LHX4: variants seen among roughly 807,000 people sequenced by gnomAD.
LHX4 encodes the protein LIM homeobox 4, also known as LIM/homeobox protein Lhx4.
LHX4 carries 16 observed loss-of-function variants against 39.2 expected under a neutral mutation model. The observed-to-expected ratio is 0.41, with a 90% CI of 0.28 to 0.62. The LOEUF (loss-of-function observed/expected upper bound fraction) is 0.62. Among genes scored for constraint, LHX4 ranks in the 20% least tolerant of loss-of-function variants. LHX4 has a pLI of 0.33. For synonymous variants in LHX4, 206 were observed against 198.1 expected (o/e 1.04, Z -0.33); for missense variants, 439 against 511.9 (o/e 0.86, Z 1.37).
At chr1:180,268,266 C>T (rs185081641) in intron 3 of LHX4, among the ~76,000 whole-genome samples, 19 of 152,294 alleles carry the variant, frequency 1.2e-4, no homozygotes, top group Middle Eastern at 6.8e-3. Context: ...ACGACCTCCC[C>T]GGCCTGCAGC....
upstream of LHX4, among the ~76,000 whole-genome samples, chr1:180,229,938 G>GGGCGGAGGCGGAGGCGGGGGCGGA (rs1664126268): frequency 2.0e-5 from 2 of 101,956 alleles, no homozygotes; most frequent in Middle Eastern, 4.8e-3. Flanking sequence ...CGCCACGGCT[G>GGGCGGAGGCGGAGGCGGGGGCGGA]GGCGGAGGCG....
intron 2 of LHX4, 78 bp downstream of exon 2, chr1:180,248,534 G>A: frequency 6.6e-7 from 1 of 1,507,618 alleles, no homozygotes; most frequent in East Asian, 2.3e-5. Flanking sequence ...GTTTGCAGCA[G>A]GGTAGGCCAG....
intron 2 of LHX4, among the ~76,000 whole-genome samples, chr1:180,254,895 G>A (rs761439324): frequency 1.3e-5 from 2 of 152,232 alleles, no homozygotes; most frequent in Non-Finnish European, 2.9e-5. Flanking sequence ...CACATAGGGA[G>A]GAGGAAAGAA....
At chr1:180,273,014 C>T (rs893882801) in intron 5 of LHX4, 3 of 151,036 alleles carry the variant, frequency 2.0e-5, no homozygotes, top group Non-Finnish European at 4.4e-5. Context: ...TGGAGTGGAG[C>T]CTTCATCTTC....
Position 180,248,322 on chromosome 1 carries a change from G to A in LHX4, c.114G>A (p.Leu38=), listed in dbSNP as rs1181703453. The stretch of plus-strand genomic sequence containing the variant: ...GCGCTGGCTGCAACCAGCACATCCT[G>A]GACAAGTTCATCCTGAAGGTCCTGG... ...PQCAGCNQHI[L]DKFILKVLDR... Residue 38 remains leucine (L), a synonymous_variant, in exon 2 of 6, where the codon CTG becomes CTA. Coordinates refer to ENST00000263726, the MANE Select transcript of LHX4 (RefSeq NM_033343.4). The A allele has an allele frequency of 3.1e-6, 5 of 1,614,194 alleles. No individual in the cohort carries two copies. The highest frequency in any genetic ancestry group is 4.5e-5 in the East Asian group (2 of 44,888).
chr1:180,269,375 C>A (rs1226038387), intron 3 of LHX4, among the ~76,000 whole-genome samples: 1 of 152,192 alleles, frequency 6.6e-6, no homozygotes, highest in Non-Finnish European at 1.5e-5. Context: ...TCAGCACGAG[C>A]ACTGCCACTG....
rs145063714 is a variant in LHX4 at position 180,274,676 on chromosome 1, T to C, written c.*97T>C. 1.5e-6 allele frequency: 2 copies of C among 1,363,982 alleles called. No homozygotes were observed. Among genetic ancestry groups the C allele is most frequent in the African/African-American group, 1.4e-5 (1 of 69,014 alleles). 84.5% of individuals were successfully genotyped at this position (1,363,982 alleles called of 1,614,324 possible). ...CTTTTAAGGATCGAAAGTACGCCAA[T>C]GTGAATTTCCATTATTTTCAATGGA... On this transcript the variant is annotated 3_prime_UTR_variant, in exon 6 of 6. Coordinates refer to ENST00000263726, the MANE Select transcript of LHX4 (RefSeq NM_033343.4).
At chr1:180,269,159 T>C (rs1648479006) in intron 3 of LHX4, among the ~76,000 whole-genome samples, 1 of 151,900 alleles carries the variant, frequency 6.6e-6, no homozygotes, top group Admixed American at 6.6e-5. Context: ...GGGTGGTATA[T>C]TCTGAGAGCA....
rs369707025 is a variant in LHX4 at position 180,276,170 on chromosome 1, C to A, written c.*1591C>A. On this transcript the variant is annotated 3_prime_UTR_variant, in exon 6 of 6. Transcript: ENST00000263726. ...AAGGGTGAGAAGGCATTGCCTATCA[C>A]ATGAAGTGATGGGGCCAGAGACCCT... 6.6e-6 allele frequency: 1 copy of A among 152,202 alleles called. No homozygotes were observed. The highest frequency in any genetic ancestry group is 2.4e-5 in the African/African-American group (1 of 41,436). 9.4% of individuals were successfully genotyped at this position (152,202 alleles called of 1,614,324 possible). A position where few individuals can be genotyped will look rare whatever the true frequency, so the allele number is the denominator to read the frequency against.
Position 180,274,410 on chromosome 1 carries a change from A to G in LHX4, c.1004A>G (p.Asp335Gly). 1 of 1,614,156 alleles carries G rather than the reference A, an allele frequency of 6.2e-7. No homozygotes were observed. Residue 335 changes from aspartate to glycine, a missense_variant, in exon 6 of 6, where the codon GAC (aspartate) becomes GGC (glycine). Asp to Gly is a moderately conservative substitution (Grantham distance 94, BLOSUM62 -1). Coordinates refer to ENST00000263726, the MANE Select transcript of LHX4 (RefSeq NM_033343.4). ...PLLNGLDYTVDSNLGIIAHAG... is the reference protein window; with the variant it reads ...PLLNGLDYTVGSNLGIIAHAG... ...CTCAATGGGCTGGATTACACGGTGGACAGTAATTTGGGCATCATTGCGCAT... is the reference window on the plus strand; with the variant it reads ...CTCAATGGGCTGGATTACACGGTGGGCAGTAATTTGGGCATCATTGCGCAT...
upstream of LHX4, among the ~76,000 whole-genome samples, chr1:180,229,178 G>A (rs893782752): frequency 4.6e-5 from 7 of 152,246 alleles, no homozygotes; most frequent in African/African-American, 1.7e-4. Context: ...CCCTTTCGCT[G>A]GTTAACCCCG....
chr1:180,251,342 G>A (rs1476625460), intron 2 of LHX4, among the ~76,000 whole-genome samples: 3 of 152,178 alleles, frequency 2.0e-5, no homozygotes, highest in South Asian at 2.1e-4. Context: ...CTCCAGGGAC[G>A]GTGCCCACCC....
Position 180,230,644 on chromosome 1 carries a change from A to G in LHX4, c.76+39A>G, listed in dbSNP as rs752513157. 2 of 1,574,704 alleles carry G rather than the reference A, an allele frequency of 1.3e-6. No homozygotes were observed. Among genetic ancestry groups the G allele is most frequent in the Non-Finnish European group, 1.7e-6 (2 of 1,145,696 alleles). On this transcript the variant is annotated intron_variant, in intron 1 of 5. Coordinates refer to ENST00000263726, the MANE Select transcript of LHX4 (RefSeq NM_033343.4). The surrounding 1 kb of genome is among the most constrained non-coding windows in gnomAD (Gnocchi z 5.8). The stretch of plus-strand genomic sequence containing the variant: ...CTTTCTCGCTGATTTAATTCTAACA[A>G]GACAGCTAGCAGCCTCAGCCGCTGC...
At chr1:180,251,815 A>G (rs1017107530) in intron 2 of LHX4, among the ~76,000 whole-genome samples, 1 of 152,190 alleles carries the variant, frequency 6.6e-6, no homozygotes, top group African/African-American at 2.4e-5. Context: ...TCTGTAATGC[A>G]GGGCATCTGG....
At chr1:180,263,696 G>A (rs760560268) in intron 2 of LHX4, among the ~76,000 whole-genome samples, 19 of 152,124 alleles carry the variant, frequency 1.2e-4, no homozygotes, top group Admixed American at 8.5e-4. Flanking sequence ...AATCACTGTC[G>A]GTATGTAGAT....
At chr1:180,263,080 G>A (rs1020115316) in intron 2 of LHX4, among the ~76,000 whole-genome samples, 3 of 152,166 alleles carry the variant, frequency 2.0e-5, no homozygotes, top group East Asian at 1.9e-4. Flanking sequence ...CCCGGTGATC[G>A]GTGTTAAGGG....
rs983776294 is a variant in LHX4 at position 180,271,175 on chromosome 1, C to G, written c.452-205C>G. Reference sequence around the variant, plus strand: ...AGCAGAGAAAGGACTGCTGTCCTCACTTTTCAGTGGCTTGGGAAGGCCCGT... The same window carrying G: ...AGCAGAGAAAGGACTGCTGTCCTCAGTTTTCAGTGGCTTGGGAAGGCCCGT... On this transcript the variant is annotated intron_variant, in intron 3 of 5. Transcript: ENST00000263726. 5 of 643,470 alleles carry G rather than the reference C, an allele frequency of 7.8e-6. No individual in the cohort carries two copies. The South Asian group carries it at 8.7e-5, about 11-fold the overall frequency. 39.9% of individuals were successfully genotyped at this position (643,470 alleles called of 1,614,324 possible).
At position 180,274,203 on chromosome 1, in the gene LHX4, A is replaced by G; in HGVS notation, c.797A>G (p.Glu266Gly). ...TCCACAGAGGATCAAATTCTCTCAGAACTTGGCCACACCAATAGGATTTAT... is the reference window on the plus strand; with the variant it reads ...TCCACAGAGGATCAAATTCTCTCAGGACTTGGCCACACCAATAGGATTTAT... ...LSFREDQILSELGHTNRIYGN... is the reference protein window; with the variant it reads ...LSFREDQILSGLGHTNRIYGN... The change falls in exon 6 of 6, where the codon GAA (glutamate) becomes GGA (glycine). Residue 266 changes from glutamate (E) to glycine (G), a missense_variant. Transcript: ENST00000263726. 1 of 1,614,222 alleles carries G rather than the reference A, an allele frequency of 6.2e-7. No homozygotes were observed. Among genetic ancestry groups the G allele is most frequent in the East Asian group, 2.2e-5 (1 of 44,892 alleles).
intron 5 of LHX4, 143 bp downstream of exon 5, chr1:180,272,149 G>A (rs753240945): frequency 2.2e-4 from 160 of 726,588 alleles, no homozygotes; most frequent in Non-Finnish European, 3.1e-4. Context: ...TTGCAGTGAA[G>A]GGTGGGGGAA....
Sources: gnomAD v4.1 joint callset for allele counts (sites outside exome capture counted in the v4.1 genomes callset) on GRCh38, gnomAD v4.1.1 for gene constraint, Gnocchi (gnomAD v3.1) non-coding constraint, MANE v1.5 for transcripts, NCBI Gene and HGNC (gene_info 2026-07-23, HGNC 2026-07-21) for gene names.